The following ATP9A variants were observed in gnomAD, a reference collection of about 807,000 sequenced individuals.
ATP9A encodes the protein probable phospholipid-transporting ATPase IIA.
In ATP9A, 52 loss-of-function variants were observed where a neutral mutation model predicts 144.1. The ratio of observed to expected loss-of-function variants is 0.36; its 90% CI spans 0.29 to 0.45. The LOEUF is 0.45. Ranked by LOEUF, ATP9A falls within the 20% of genes least tolerant of loss-of-function variation. The pLI, the probability that ATP9A is intolerant of heterozygous loss-of-function variation, is 1.00. For synonymous variants in ATP9A, 582 were observed against 557.4 expected, an observed-to-expected ratio of 1.04 and a Z score of -0.62; for missense variants, 947 against 1,392.7, an observed-to-expected ratio of 0.68 and a Z score of 5.09.
intron 14 of ATP9A, among the ~76,000 whole-genome samples, chr20:51,648,348 G>A (rs147563002): frequency 9.3e-4 from 141 of 152,282 alleles, no homozygotes; most frequent in African/African-American, 3.1e-3. Context: ...AGATTAAGAC[G>A]AGGCAAAAGG....
chr20:51,634,999 C>T (rs1042570315), intron 15 of ATP9A, among the ~76,000 whole-genome samples: 1 of 147,620 alleles, frequency 6.8e-6, no homozygotes, highest in Non-Finnish European at 1.5e-5. Context: ...TGCCCCCCAC[C>T]TCCTGGTACT....
chr20:51,761,958 T>C (rs1476608702), intron 1 of ATP9A, among the ~76,000 whole-genome samples: 1 of 152,120 alleles, frequency 6.6e-6, no homozygotes, highest in African/African-American at 2.4e-5. Flanking sequence ...CCGCATTCCT[T>C]GGCTCATGGC....
chr20:51,717,627 G>A (rs1601123766), intron 3 of ATP9A, among the ~76,000 whole-genome samples: 1 of 93,586 alleles, frequency 1.1e-5, no homozygotes, highest in Non-Finnish European at 2.7e-5. Context: ...GGTGGGAGTA[G>A]GGGCAGAGAA....
chr20:51,637,006 GCTTGAA>G (rs2077295129), intron 15 of ATP9A, among the ~76,000 whole-genome samples: 1 of 152,182 alleles, frequency 6.6e-6, no homozygotes, highest in South Asian at 2.1e-4. Context: ...CAAGAGAATT[GCTTGAA>G]CTTGGGAGGT....
intron 27 of ATP9A, among the ~76,000 whole-genome samples, chr20:51,601,869 C>T (rs1310660242): frequency 2.0e-5 from 3 of 151,826 alleles, no homozygotes; most frequent in Non-Finnish European, 4.4e-5. Context: ...ATTGCACCAC[C>T]GCACTCCACC....
chr20:51,703,227 A>C (rs549219997), intron 4 of ATP9A, among the ~76,000 whole-genome samples: 5 of 152,336 alleles, frequency 3.3e-5, no homozygotes, highest in African/African-American at 1.2e-4. Context: ...TAGCTGGTCC[A>C]GAAGGGAAGT....
intron 18 of ATP9A, among the ~76,000 whole-genome samples, chr20:51,624,866 G>T (rs769861353): frequency 3.3e-5 from 5 of 151,986 alleles, no homozygotes; most frequent in Non-Finnish European, 7.4e-5. Context: ...TTAGCCAGGC[G>T]TGGTGGTACG....
rs58144454 is a variant in ATP9A, at chr20:51,638,071, T to TATATATATATA, written c.1668+1271_1668+1272insTATATATATAT. Among the ~76,000 whole-genome samples, 59 of 34,190 alleles carry TATATATATATA rather than the reference T, an allele frequency of 1.7e-3. 7 individuals carry two copies. The highest frequency in any genetic ancestry group is 2.0e-3 in the Non-Finnish European group (35 of 17,256). The allele number at this position is 34,190 out of a possible 152,430, so 22.4% of individuals were successfully genotyped here. A position where few individuals can be genotyped will look rare whatever the true frequency, so the allele number is the denominator to read the frequency against. On this transcript the variant is annotated intron_variant, in intron 15 of 27. Transcript: ENST00000338821. ...CATGGCTAAGTAGCATTTCATCATT[T>TATATATATATA]TATATATATATATATATATATATAT...
At chr20:51,660,219 T>C (rs932016518) in intron 13 of ATP9A, among the ~76,000 whole-genome samples, 1 of 152,236 alleles carries the variant, frequency 6.6e-6, no homozygotes, top group Non-Finnish European at 1.5e-5. Context: ...ATTACTGTGG[T>C]TGGCAAGTTT....
At chr20:51,664,749 TCC>T (rs1167569511) in intron 13 of ATP9A, among the ~76,000 whole-genome samples, 1 of 151,994 alleles carries the variant, frequency 6.6e-6, no homozygotes, top group East Asian at 1.9e-4. Context: ...GAGAGGAGTC[TCC>T]CTCTGTCACC....
At chr20:51,651,252 C>T (rs56868643) in intron 14 of ATP9A, among the ~76,000 whole-genome samples, 1 of 102,794 alleles carries the variant, frequency 9.7e-6, no homozygotes, top group African/African-American at 3.8e-5. Flanking sequence ...TATATATTTA[C>T]ATAATATATT....
rs2077380828 is a variant in ATP9A, at chr20:51,654,872, G to A, written c.1506+2066C>T. ...AGCAAGCATAAGTAACTGCCCAAGT[G>A]TGGAGCTGGATCCCGGGAGTAAGTC... On this transcript the variant is annotated intron_variant, in intron 14 of 27. Coordinates refer to ENST00000338821, the MANE Select transcript of ATP9A (RefSeq NM_006045.3). Among the ~76,000 whole-genome samples the A allele has an allele frequency of 5.3e-5, 8 of 152,200 alleles. No individual in the cohort carries two copies. The South Asian group carries it at 1.4e-3, about 28-fold the overall frequency.
At chr20:51,727,420 T>C (rs2077719644) in intron 2 of ATP9A, among the ~76,000 whole-genome samples, 1 of 151,478 alleles carries the variant, frequency 6.6e-6, no homozygotes, top group Non-Finnish European at 1.5e-5. Context: ...ACCCCATCAC[T>C]ACAAAAAATA....
At position 51,671,406 on chromosome 20, in the gene ATP9A, A is replaced by C; in HGVS notation, c.1038-149T>G. On this transcript the variant is annotated intron_variant, in intron 11 of 27. Transcript: ENST00000338821. ...CTGCCAGAGCTGAACGCACAGACTC[A>C]GCAAGAGCCAGCACCACCGTCAAGT... 8.8e-6 allele frequency: 7 copies of C among 794,116 alleles called. No individual in the cohort carries two copies. The South Asian group carries it at 1.2e-4, about 13-fold the overall frequency. 49.2% of individuals were successfully genotyped at this position (794,116 alleles called of 1,614,324 possible). A position where few individuals can be genotyped will look rare whatever the true frequency, so the allele number is the denominator to read the frequency against.
intron 13 of ATP9A, among the ~76,000 whole-genome samples, chr20:51,658,052 A>C (rs1017166561): frequency 2.6e-5 from 4 of 152,226 alleles, no homozygotes; most frequent in Non-Finnish European, 5.9e-5. Context: ...TTTGAGCAAC[A>C]TGGTAAAAAG....
chr20:51,610,963 G>A (rs530412412), intron 23 of ATP9A, among the ~76,000 whole-genome samples: 7 of 152,306 alleles, frequency 4.6e-5, no homozygotes, highest in African/African-American at 1.7e-4. Flanking sequence ...TGGTAATGAT[G>A]AATAGGCTGG....
intron 9 of ATP9A, among the ~76,000 whole-genome samples, chr20:51,681,763 G>C (rs751050632): frequency 3.9e-5 from 6 of 152,262 alleles, no homozygotes; most frequent in Non-Finnish European, 8.8e-5. Flanking sequence ...CCATGTTGTG[G>C]GCACATGCAT....
chr20:51,734,036 G>A (rs2122879842), intron 1 of ATP9A, among the ~76,000 whole-genome samples: 1 of 152,016 alleles, frequency 6.6e-6, no homozygotes, highest in Non-Finnish European at 1.5e-5. Flanking sequence ...GAGTGTAGTG[G>A]CATGATCTCA....
chr20:51,762,777 A>G (rs1427429320), intron 1 of ATP9A, among the ~76,000 whole-genome samples: 2 of 135,736 alleles, frequency 1.5e-5, no homozygotes, highest in Admixed American at 8.2e-5. Flanking sequence ...CGGTATGATC[A>G]GGGTTTACCG....
Sources: allele counts gnomAD v4.1 joint callset (sites outside exome capture counted in the v4.1 genomes callset), GRCh38; gene constraint gnomAD v4.1.1; transcripts MANE v1.5; gene names NCBI Gene and HGNC (gene_info 2026-07-23, HGNC 2026-07-21).